Variants in TMEM254 observed in about 807,000 individuals in gnomAD.
The protein encoded by TMEM254 is transmembrane protein 254, also known as transmembrane protein C10orf57.
A neutral mutation model predicts 13.9 loss-of-function variants in TMEM254; 16 were observed. That is an observed-to-expected ratio of 1.15 (90% CI 0.78 to 1.75). The LOEUF (loss-of-function observed/expected upper bound fraction) is 1.75, where lower values mean the gene tolerates loss of function less well. Among genes scored for constraint, TMEM254 ranks in the 40% most tolerant of loss-of-function variants. The probability of loss-of-function intolerance (pLI) is 0.00; values close to 1 mark genes in which losing one functional copy is unlikely to be tolerated. For synonymous variants in TMEM254, 61 were observed against 56.4 expected, an observed-to-expected ratio of 1.08 and a Z score of -0.36; for missense variants, 155 against 149.0, an observed-to-expected ratio of 1.04 and a Z score of -0.21.
intron 3 of TMEM254, among the ~76,000 whole-genome samples, chr10:80,085,216 T>C (rs1371211961): frequency 6.6e-6 from 1 of 152,178 alleles, no homozygotes; most frequent in African/African-American, 2.4e-5. Flanking sequence ...TGGTCTAACA[T>C]GTTAGAATGT....
intron 1 of TMEM254, among the ~76,000 whole-genome samples, chr10:80,080,265 AAAC>A (rs1843920553): frequency 6.6e-6 from 1 of 152,346 alleles, no homozygotes; most frequent in African/African-American, 2.4e-5. Context: ...TTCAGATGTG[AAAC>A]AACATCGTGA....
At chr10:80,080,539 CAG>C (rs546985385) in intron 1 of TMEM254, among the ~76,000 whole-genome samples, 123 of 152,314 alleles carry the variant, frequency 8.1e-4, no homozygotes, top group Non-Finnish European at 1.5e-3. Context: ...CTAAATTAAA[CAG>C]AGGTTTGGCT....
At chr10:80,090,507 C>T (rs1844529411) in intron 3 of TMEM254, 1 of 709,064 alleles carries the variant, frequency 1.4e-6, no homozygotes, top group Admixed American at 2.0e-5. Flanking sequence ...GTGCTTTTTA[C>T]TCCATCCGCT....
At position 80,078,686 on chromosome 10, in the gene TMEM254, G is replaced by A. The variant is rs768790185; in HGVS notation, c.-14G>A. On this transcript the variant is annotated 5_prime_UTR_variant, in exon 1 of 4. Transcript: ENST00000372281. ...CGGTGTCCTGAAGCGCGCTCCCGGG[G>A]AGGTGTTGCAGCCATGGCTACGGCA... The A allele has an allele frequency of 2.5e-6, 4 of 1,590,964 alleles. No individual in the cohort carries two copies. Among genetic ancestry groups the A allele is most frequent in the East Asian group, 4.6e-5 (2 of 43,792 alleles).
At chr10:80,088,260 T>C (rs1415662846) in intron 3 of TMEM254, among the ~76,000 whole-genome samples, 2 of 152,160 alleles carry the variant, frequency 1.3e-5, no homozygotes, top group Non-Finnish European at 2.9e-5. Context: ...TTATAATCAT[T>C]GTTATCTGAC....
intron 3 of TMEM254, among the ~76,000 whole-genome samples, chr10:80,087,514 G>A (rs1322481449): frequency 1.3e-5 from 2 of 151,436 alleles, no homozygotes; most frequent in East Asian, 1.9e-4. Context: ...TTAGCAGGGC[G>A]TGGTAGCGGG....
chr10:80,087,992 T>G (rs1463068134), intron 3 of TMEM254, among the ~76,000 whole-genome samples: 1 of 152,218 alleles, frequency 6.6e-6, no homozygotes, highest in Non-Finnish European at 1.5e-5. Flanking sequence ...TACAGTATCT[T>G]CTAACAGTTT....
chr10:80,089,932 G>A (rs1589390249), intron 3 of TMEM254, among the ~76,000 whole-genome samples: 1 of 151,244 alleles, frequency 6.6e-6, no homozygotes, highest in East Asian at 1.9e-4. Flanking sequence ...ATCAACCCGG[G>A]AGGCAGAGCT....
chr10:80,089,643 A>G (rs576887347), intron 3 of TMEM254, among the ~76,000 whole-genome samples: 3 of 151,996 alleles, frequency 2.0e-5, no homozygotes, highest in African/African-American at 7.2e-5. Context: ...GTACCAGTAC[A>G]CTCCACTGTA....
At chr10:80,090,302 T>A in intron 3 of TMEM254, 1 of 705,466 alleles carries the variant, frequency 1.4e-6, no homozygotes, top group Non-Finnish European at 2.6e-6. Flanking sequence ...GGCTCCTTCC[T>A]GAGCATGTTG....
intron 3 of TMEM254, among the ~76,000 whole-genome samples, chr10:80,088,433 G>T (rs373622588): frequency 2.7e-5 from 4 of 149,504 alleles, no homozygotes; most frequent in African/African-American, 9.9e-5. Context: ...TTTCCATTAT[G>T]TTTTTTTTCT....
Position 80,088,278 on chromosome 10 carries a change from C to A in TMEM254, c.252-2519C>A, listed in dbSNP as rs147634402. Reference sequence around the variant, plus strand: ...TAATCATTGTTATCTGACAAAGCATCTCCTCTCATCTTGTTCAATAGGATT... The same window carrying A: ...TAATCATTGTTATCTGACAAAGCATATCCTCTCATCTTGTTCAATAGGATT... On this transcript the variant is annotated intron_variant, in intron 3 of 3. Coordinates refer to ENST00000372281, the MANE Select transcript of TMEM254 (RefSeq NM_025125.4). Among the ~76,000 whole-genome samples, 600 of 152,252 alleles carry A rather than the reference C, an allele frequency of 3.9e-3. 6 individuals carry two copies. The highest frequency in any genetic ancestry group is 0.014 in the African/African-American group (568 of 41,564).
chr10:80,081,765 C>G, intron 1 of TMEM254, 76 bp from the exon 2 acceptor site: 1 of 1,609,836 alleles, frequency 6.2e-7, no homozygotes, highest in Non-Finnish European at 8.5e-7. Flanking sequence ...TGTTTCACAG[C>G]CTTTCTCAAA....
chr10:80,081,192 A>G lies in TMEM254; in HGVS notation c.88-649A>G, dbSNP rs552704356. 2.6e-5 allele frequency among the ~76,000 whole-genome samples: 4 copies of G among 152,262 alleles called. No individual in the cohort carries two copies. The East Asian group carries it at 7.7e-4, about 29-fold the overall frequency. ...CTTGAGCCCGGGAAGTCAAGGGTGC[A>G]GTGAGCCGTGATCAGGCCACTGCAC... On this transcript the variant is annotated intron_variant, in intron 1 of 3. Transcript: ENST00000372281.
At chr10:80,090,004 CAAAAA>C (rs376006872) in intron 3 of TMEM254, among the ~76,000 whole-genome samples, 1 of 85,216 alleles carries the variant, frequency 1.2e-5, no homozygotes, top group Non-Finnish European at 2.5e-5. Flanking sequence ...GACTCCATCT[CAAAAA>C]AAAAAAAAAA....
chr10:80,084,481 G>A (rs976886043), intron 3 of TMEM254, among the ~76,000 whole-genome samples: 1 of 152,192 alleles, frequency 6.6e-6, no homozygotes, highest in Non-Finnish European at 1.5e-5. Flanking sequence ...ACAAGTGCAT[G>A]CAGTTATCAG....
At chr10:80,080,773 T>TACACACAC (rs35188589) in intron 1 of TMEM254, among the ~76,000 whole-genome samples, 38 of 150,236 alleles carry the variant, frequency 2.5e-4, no homozygotes, top group African/African-American at 6.8e-4. Flanking sequence ...ACCTCATCTC[T>TACACACAC]ACACACACAC....
chr10:80,079,862 A>AT (rs1406900881), intron 1 of TMEM254, among the ~76,000 whole-genome samples: 3 of 152,082 alleles, frequency 2.0e-5, no homozygotes, highest in South Asian at 2.1e-4. Flanking sequence ...ATGCCCAGCT[A>AT]TTTTTTTGTG....
Position 80,082,145 on chromosome 10 carries a change from G to A in TMEM254, c.192G>A (p.Gly64=), listed in dbSNP as rs1362318349. The A allele has an allele frequency of 6.2e-7, 1 of 1,614,062 alleles. No homozygotes were observed. Among genetic ancestry groups the A allele is most frequent in the East Asian group, 2.2e-5 (1 of 44,876 alleles). The change falls in exon 3 of 4, where the codon GGG becomes GGA. Residue 64 remains glycine (G), a splice_region_variant and synonymous_variant. Coordinates refer to ENST00000372281, the MANE Select transcript of TMEM254 (RefSeq NM_025125.4). ...VDHHHTLLCN[G]YWLAWLIHVG... ...AGATTAACCTTTTTTTTGGTTTCAG[G>A]TATTGGCTTGCCTGGCTGATTCATG...
Sources: gnomAD v4.1 joint callset for allele counts (sites outside exome capture counted in the v4.1 genomes callset) on GRCh38, gnomAD v4.1.1 for gene constraint, MANE v1.5 for transcripts, NCBI Gene and HGNC (gene_info 2026-07-23, HGNC 2026-07-21) for gene names.